Variants in POLR1D observed in about 807,000 individuals in gnomAD.
POLR1D encodes RNA polymerase I and III subunit D.
In POLR1D, 8 loss-of-function variants were observed where a neutral mutation model predicts 10.8. That is an observed-to-expected ratio of 0.74 (90% CI 0.43 to 1.33). The LOEUF (loss-of-function observed/expected upper bound fraction) is 1.33, where lower values mean the gene tolerates loss of function less well. Among genes scored for constraint, POLR1D ranks in the 40% most tolerant of loss-of-function variants. The pLI, the probability that POLR1D is intolerant of heterozygous loss-of-function variation, is 0.01. For missense variants in POLR1D, 152 were observed against 161.7 expected (o/e 0.94, Z 0.32); for synonymous variants, 54 against 57.2 (o/e 0.94, Z 0.25).
intron 1 of POLR1D, among the ~76,000 whole-genome samples, chr13:27,633,018 T>G (rs920233211): frequency 4.6e-5 from 7 of 152,330 alleles, no homozygotes; most frequent in African/African-American, 1.7e-4. Flanking sequence ...GTTGTGTGTC[T>G]TCAACTCCAT....
intron 2 of POLR1D, among the ~76,000 whole-genome samples, chr13:27,661,694 C>T (rs1001157787): frequency 5.3e-5 from 8 of 152,010 alleles, no homozygotes; most frequent in South Asian, 2.1e-4. Context: ...TCGGGGGAGG[C>T]GGGAAATGGC....
At chr13:27,639,224 A>G (rs1956154179) in intron 1 of POLR1D, among the ~76,000 whole-genome samples, 1 of 152,218 alleles carries the variant, frequency 6.6e-6, no homozygotes, top group Non-Finnish European at 1.5e-5. Context: ...AAGAGATAAC[A>G]AAATACATTT....
At chr13:27,626,774 G>A (rs1566142370), downstream of POLR1D, among the ~76,000 whole-genome samples, 1 of 152,190 alleles carries the variant, frequency 6.6e-6, no homozygotes, top group Admixed American at 6.5e-5. Context: ...GTAATTCTGA[G>A]TACTTGCTGG....
chr13:27,641,277 TATTA>T (rs1281270641), intron 1 of POLR1D, among the ~76,000 whole-genome samples: 1 of 152,232 alleles, frequency 6.6e-6, no homozygotes, highest in Non-Finnish European at 1.5e-5. Context: ...TAAACTTCCA[TATTA>T]ATTCCTACAC....
At chr13:27,654,438 C>T (rs1350101511) in intron 2 of POLR1D, among the ~76,000 whole-genome samples, 1 of 152,176 alleles carries the variant, frequency 6.6e-6, no homozygotes, top group African/African-American at 2.4e-5. Flanking sequence ...TCAGATCAGT[C>T]TTTTAAGTGT....
chr13:27,663,373 A>T lies in POLR1D; in HGVS notation c.102-2313A>T, dbSNP rs1956383653. ...ACCCTTGGCTATTTACCTAGAATAG[A>T]ATCCCAGGCATAACCAACATTAAAA... On this transcript the variant is annotated intron_variant, in intron 2 of 2. Transcript: ENST00000399697. The surrounding 1 kb of genome is among the most constrained non-coding windows in gnomAD (Gnocchi z 4.1). Among the ~76,000 whole-genome samples, 1 of 152,180 alleles carries T rather than the reference A, an allele frequency of 6.6e-6. No individual in the cohort carries two copies. The highest frequency in any genetic ancestry group is 1.5e-5 in the Non-Finnish European group (1 of 68,040).
chr13:27,657,399 G>A (rs959322163), intron 2 of POLR1D, among the ~76,000 whole-genome samples: 3 of 152,006 alleles, frequency 2.0e-5, no homozygotes, highest in Admixed American at 1.3e-4. Context: ...GCATGGTGGC[G>A]CCTGTGTTCC....
Position 27,665,580 on chromosome 13 carries a change from G to A in POLR1D, c.102-106G>A. ...GGAAAGCTAACAAATTCAGAAACTC[G>A]ATTCTGTGGGAGCAGGATTCTTTGG... On this transcript the variant is annotated intron_variant, in intron 2 of 2. Coordinates refer to the POLR1D transcript ENST00000399697. The A allele has an allele frequency of 3.8e-6, 4 of 1,040,188 alleles. No homozygotes were observed. In the South Asian group the frequency reaches 3.9e-5, roughly 10 times the overall value. 64.4% of individuals were successfully genotyped at this position (1,040,188 alleles called of 1,614,324 possible).
At chr13:27,650,315 A>C in intron 2 of POLR1D, 1 of 359,422 alleles carries the variant, frequency 2.8e-6, no homozygotes, top group Non-Finnish European at 5.0e-6. Context: ...CAAGCAAGGA[A>C]GCTCACCTGA....
At chr13:27,643,057 A>G (rs1956189642) in intron 1 of POLR1D, among the ~76,000 whole-genome samples, 1 of 152,176 alleles carries the variant, frequency 6.6e-6, no homozygotes, top group African/African-American at 2.4e-5. Flanking sequence ...ATAAATGAAT[A>G]TTGGAGCTCC....
chr13:27,623,619 TG>T (rs1318412521), downstream of POLR1D, among the ~76,000 whole-genome samples: 27 of 151,756 alleles, frequency 1.8e-4, no homozygotes, highest in African/African-American at 4.8e-5. Flanking sequence ...GTTGGAGTGG[TG>T]GGGGTAAGGG....
chr13:27,622,739 A>G, intron 1 of POLR1D, 136 bp from the exon 2 acceptor site: 1 of 643,908 alleles, frequency 1.6e-6, no homozygotes, highest in Non-Finnish European at 2.8e-6. Flanking sequence ...GAGGCAGGAA[A>G]ATGAGAGGCG....
At chr13:27,649,330 C>A (rs1956246819) in intron 2 of POLR1D, among the ~76,000 whole-genome samples, 1 of 152,018 alleles carries the variant, frequency 6.6e-6, no homozygotes, top group South Asian at 2.1e-4. Flanking sequence ...AAAGATAATA[C>A]CTAAAAATCA....
At chr13:27,631,984 A>G (rs915388912) in intron 1 of POLR1D, among the ~76,000 whole-genome samples, 5 of 152,342 alleles carry the variant, frequency 3.3e-5, no homozygotes, top group Middle Eastern at 3.4e-3. Flanking sequence ...CTGTGGCTTC[A>G]GTGGGAGGAG....
At chr13:27,662,397 G>A (rs925372488) in intron 2 of POLR1D, among the ~76,000 whole-genome samples, 52 of 151,242 alleles carry the variant, frequency 3.4e-4, no homozygotes, top group African/African-American at 1.2e-3. Flanking sequence ...TGTTCAACAT[G>A]GTATCATTTC....
intron 2 of POLR1D, among the ~76,000 whole-genome samples, chr13:27,656,058 A>G (rs1365207070): frequency 6.6e-6 from 1 of 150,888 alleles, no homozygotes; most frequent in Non-Finnish European, 1.5e-5. Context: ...TATAGGAGAA[A>G]ATACAGGATA....
At position 27,623,315 on chromosome 13, in the gene POLR1D, C is replaced by A; in HGVS notation, c.*65C>A. 1 of 1,606,462 alleles carries A rather than the reference C, an allele frequency of 6.2e-7. No homozygotes were observed. The highest frequency in any genetic ancestry group is 1.1e-5 in the South Asian group (1 of 89,570). On this transcript the variant is annotated 3_prime_UTR_variant, in exon 2 of 2. Transcript: ENST00000302979. ...ATTCTCTTCCTGATGGTGCAGAACC[C>A]AGAATTAGAAGTTTGTGGTTACAGC...
At chr13:27,649,903 C>T (rs1956251367) in intron 2 of POLR1D, 2 of 394,878 alleles carry the variant, frequency 5.1e-6, no homozygotes, top group Non-Finnish European at 8.9e-6. Flanking sequence ...AATTAGAGGT[C>T]ACAGTCCCCA....
exon 2 of POLR1D, chr13:27,648,438 T>C (rs1354548164): frequency 1.2e-6 from 2 of 1,607,596 alleles, no homozygotes; most frequent in African/African-American, 1.3e-5. Context: ...GCTGAAACAA[T>C]GGGACCCATG....
Sources: allele counts gnomAD v4.1 joint callset (sites outside exome capture counted in the v4.1 genomes callset), GRCh38; gene constraint gnomAD v4.1.1; non-coding constraint Gnocchi (gnomAD v3.1); transcripts MANE v1.5; gene names NCBI Gene and HGNC (gene_info 2026-07-23, HGNC 2026-07-21).